Variants in USP3 observed in about 807,000 individuals in gnomAD.
USP3 encodes ubiquitin carboxyl-terminal hydrolase 3.
A neutral mutation model predicts 72.3 loss-of-function variants in USP3; 20 were observed. The observed-to-expected ratio is 0.28, with a 90% confidence interval of 0.19 to 0.40. The LOEUF is 0.40. Ranked by LOEUF, USP3 falls within the 10% of genes least tolerant of loss-of-function variation. The pLI is 1.00. For missense variants in USP3, 479 were observed against 633.9 expected (o/e 0.76, Z 2.62); for synonymous variants, 222 against 225.3 (o/e 0.99, Z 0.13).
intron 11 of USP3, among the ~76,000 whole-genome samples, chr15:63,584,474 G>A (rs958439372): frequency 7.9e-5 from 12 of 152,264 alleles, no homozygotes; most frequent in South Asian, 2.1e-4. Context: ...TTAAATAACA[G>A]CCATCCTAGT....
Position 63,593,217 on chromosome 15 carries a change from CCTG to C in USP3, c.*2394_*2396del, listed in dbSNP as rs1023837748. On this transcript the variant is annotated 3_prime_UTR_variant, in exon 15 of 15. Transcript: ENST00000380324. ...TATATTAGGTTAAACTGTATGAAAC[CCTG>C]CTATTTGATGAGTTCTGATCTACAA... The C allele has an allele frequency of 1.3e-4, 20 of 152,090 alleles. 1 individual carries two copies. The highest frequency in any genetic ancestry group is 4.1e-4 in the African/African-American group (17 of 41,408). The allele number at this position is 152,090 out of a possible 1,614,324, so 9.4% of individuals were successfully genotyped here. A position where few individuals can be genotyped will look rare whatever the true frequency, so the allele number is the denominator to read the frequency against.
chr15:63,575,767 A>G (rs2066853422), intron 11 of USP3, among the ~76,000 whole-genome samples: 2 of 152,254 alleles, frequency 1.3e-5, no homozygotes, highest in Non-Finnish European at 2.9e-5. Context: ...CAAATGTCAC[A>G]CATTTTCTCT....
At chr15:63,585,068 G>GT (rs1423324771) in intron 11 of USP3, among the ~76,000 whole-genome samples, 1 of 152,078 alleles carries the variant, frequency 6.6e-6, no homozygotes, top group Admixed American at 6.5e-5. Context: ...TATAGTAAGA[G>GT]TTTTTTTCAT....
intron 3 of USP3, chr15:63,551,226 A>G (rs1023807779): frequency 1.3e-5 from 2 of 152,062 alleles, no homozygotes; most frequent in African/African-American, 2.4e-5. Flanking sequence ...TTTTTTACCC[A>G]GCAGCTTTTT....
chr15:63,550,510 C>A (rs1370768442), intron 3 of USP3, among the ~76,000 whole-genome samples: 1 of 152,178 alleles, frequency 6.6e-6, no homozygotes, highest in Non-Finnish European at 1.5e-5. Context: ...AAAATATCTA[C>A]AACATAAGAT....
chr15:63,504,685 C>T lies in USP3; in HGVS notation c.-55C>T. The T allele has an allele frequency of 1.4e-6, 2 of 1,467,388 alleles. No individual in the cohort carries two copies. The highest frequency in any genetic ancestry group is 1.3e-5 in the South Asian group (1 of 78,302). The allele number at this position is 1,467,388 out of a possible 1,614,324, so 90.9% of individuals were successfully genotyped here. ...GACGGAGCCTCCGGAGTTCCTCCGC[C>T]CCCACCTCGCCGGGTCCTGGAGCCG... On this transcript the variant is annotated 5_prime_UTR_variant, in exon 1 of 15. Coordinates refer to ENST00000380324, the MANE Select transcript of USP3 (RefSeq NM_006537.4).
In USP3 at chr15:63,588,591, ATGAT is replaced by A; in HGVS notation, c.1216-106_1216-103del. On this transcript the variant is annotated intron_variant, in intron 12 of 14. Transcript: ENST00000380324. The surrounding 1 kb of genome is among the most constrained non-coding windows in gnomAD (Gnocchi z 4.6). Reference sequence around the variant, plus strand: ...GAATGCATAAGGTATGCATGGAAGAATGATTGATAGGGCAGCTAAAATGTTATTT... The same window carrying A: ...GAATGCATAAGGTATGCATGGAAGAATGATAGGGCAGCTAAAATGTTATTT... The A allele has an allele frequency of 2.1e-6, 2 of 971,606 alleles. No individual in the cohort carries two copies. Among genetic ancestry groups the A allele is most frequent in the East Asian group, 4.8e-5 (2 of 41,906 alleles). 60.2% of individuals were successfully genotyped at this position (971,606 alleles called of 1,614,324 possible).
intron 1 of USP3, among the ~76,000 whole-genome samples, chr15:63,517,410 A>G (rs1220628149): frequency 6.6e-6 from 1 of 151,760 alleles, no homozygotes; most frequent in African/African-American, 2.4e-5. Flanking sequence ...TATGGTTTCT[A>G]TTTCTCCTGG....
intron 1 of USP3, among the ~76,000 whole-genome samples, chr15:63,521,803 C>G (rs2065924228): frequency 6.6e-6 from 1 of 152,130 alleles, no homozygotes; most frequent in Non-Finnish European, 1.5e-5. Flanking sequence ...GGCAGTAGGA[C>G]AAGACAATTA....
intron 1 of USP3, among the ~76,000 whole-genome samples, chr15:63,521,760 C>A (rs562685028): frequency 3.9e-4 from 60 of 152,296 alleles, no homozygotes; most frequent in African/African-American, 1.4e-3. Flanking sequence ...TCATGTTGAA[C>A]TGTTGAGTGG....
At chr15:63,513,281 C>T (rs562842614) in intron 1 of USP3, among the ~76,000 whole-genome samples, 2 of 152,352 alleles carry the variant, frequency 1.3e-5, no homozygotes, top group African/African-American at 4.8e-5. Flanking sequence ...TGTCATATTC[C>T]CGCAGGTTTA....
rs925238890 is a variant in USP3 at position 63,593,359 on chromosome 15, T to C, written c.*2533T>C. ...GTATCTCCTATGAATCCGGGCTCTT[T>C]TGCTTAGAAGGTAGACAGCTGTAAC... On this transcript the variant is annotated 3_prime_UTR_variant, in exon 15 of 15. Coordinates refer to ENST00000380324, the MANE Select transcript of USP3 (RefSeq NM_006537.4). The C allele has an allele frequency of 2.6e-5, 4 of 152,244 alleles. No homozygotes were observed. Among genetic ancestry groups the C allele is most frequent in the Admixed American group, 1.3e-4 (2 of 15,288 alleles). The allele number at this position is 152,244 out of a possible 1,614,324, so 9.4% of individuals were successfully genotyped here.
chr15:63,531,816 A>C (rs183957255), intron 1 of USP3, among the ~76,000 whole-genome samples: 3 of 152,126 alleles, frequency 2.0e-5, no homozygotes, highest in Non-Finnish European at 4.4e-5. Flanking sequence ...GTGGCTCCCA[A>C]GGGGCTGTAT....
At position 63,593,708 on chromosome 15, in the gene USP3, T is replaced by A. The variant is rs1450776397; in HGVS notation, c.*2882T>A. 4.6e-5 allele frequency: 7 copies of A among 152,258 alleles called. No individual in the cohort carries two copies. Among genetic ancestry groups the A allele is most frequent in the Non-Finnish European group, 1.0e-4 (7 of 68,048 alleles). 9.4% of individuals were successfully genotyped at this position (152,258 alleles called of 1,614,324 possible). The stretch of plus-strand genomic sequence containing the variant: ...TTGAACAGCAGTGATGTAAATGTGC[T>A]TATTTGTGTTTTCATTTTTAACTGT... On this transcript the variant is annotated 3_prime_UTR_variant, in exon 15 of 15. Coordinates refer to ENST00000380324, the MANE Select transcript of USP3 (RefSeq NM_006537.4).
chr15:63,572,902 C>T (rs962894415), intron 9 of USP3, among the ~76,000 whole-genome samples: 6 of 152,180 alleles, frequency 3.9e-5, no homozygotes, highest in African/African-American at 1.4e-4. Context: ...CTAACTTAAC[C>T]TCAGCGTCCT....
chr15:63,558,301 T>G, intron 6 of USP3, 113 bp downstream of exon 6: 1 of 1,172,472 alleles, frequency 8.5e-7, no homozygotes, highest in Non-Finnish European at 1.2e-6. Flanking sequence ...GCAAGATACC[T>G]TAATTTCCTG....
chr15:63,505,049 G>C (rs945065260), intron 1 of USP3, among the ~76,000 whole-genome samples: 2 of 150,850 alleles, frequency 1.3e-5, no homozygotes, highest in African/African-American at 2.4e-5. Context: ...CAGCGAAGGA[G>C]AGGGCCGCGA....
At position 63,562,981 on chromosome 15, in the gene USP3, T is replaced by G; in HGVS notation, c.734T>G (p.Val245Gly). 6.2e-7 allele frequency: 1 copy of G among 1,612,060 alleles called. No individual in the cohort carries two copies. Among genetic ancestry groups the G allele is most frequent in the South Asian group, 1.1e-5 (1 of 90,184 alleles). The change falls in exon 8 of 15, where the codon GTT becomes GGT. Residue 245 changes from valine to glycine, a missense_variant. By Grantham distance (109) the Val-to-Gly change is moderately radical. Transcript: ENST00000380324. ...TAFSPESLFYVVWKIMPNFRG... is the reference protein window; with the variant it reads ...TAFSPESLFYGVWKIMPNFRG... ...TTTAGCCCAGAGTCCTTATTTTATG[T>G]TGTTTGGAAGATTATGCCAAACTTT...
intron 1 of USP3, chr15:63,530,705 A>G: frequency 5.6e-6 from 2 of 354,174 alleles, no homozygotes; most frequent in East Asian, 2.0e-4. Flanking sequence ...ACCTCAAACC[A>G]TGAATAGCTG....
Sources: allele counts gnomAD v4.1 joint callset (sites outside exome capture counted in the v4.1 genomes callset), GRCh38; gene constraint gnomAD v4.1.1; non-coding constraint Gnocchi (gnomAD v3.1); transcripts MANE v1.5; gene names NCBI Gene and HGNC (gene_info 2026-07-23, HGNC 2026-07-21).